Variants in RGS7 observed in about 807,000 individuals in gnomAD.
RGS7 encodes the protein regulator of G protein signaling 7.
Under a neutral mutation model 81.1 loss-of-function variants are expected in RGS7, and 27 were observed. The ratio of observed to expected loss-of-function variants is 0.33; its 90% CI spans 0.25 to 0.46. RGS7 has a LOEUF of 0.46. RGS7 is among the 20% of genes least tolerant of loss of function. The pLI, the probability that RGS7 is intolerant of heterozygous loss-of-function variation, is 1.00. For missense variants in RGS7, 396 were observed against 607.4 expected (o/e 0.65, Z 3.66); for synonymous variants, 208 against 207.7 (o/e 1.00, Z -0.01).
intron 3 of RGS7, among the ~76,000 whole-genome samples, chr1:241,052,312 G>A (rs1383033547): frequency 6.6e-6 from 1 of 152,134 alleles, no homozygotes; most frequent in Non-Finnish European, 1.5e-5. Flanking sequence ...TTGTTAAGGA[G>A]AAAAGAAACA....
chr1:240,891,300 T>C (rs1230410424), intron 6 of RGS7, among the ~76,000 whole-genome samples: 1 of 152,224 alleles, frequency 6.6e-6, no homozygotes, highest in Admixed American at 6.5e-5. Flanking sequence ...ATATCTGCAA[T>C]GCAACTGATT....
chr1:241,119,118 A>AT (rs568383603), intron 2 of RGS7, among the ~76,000 whole-genome samples: 1 of 152,186 alleles, frequency 6.6e-6, no homozygotes, highest in Non-Finnish European at 1.5e-5. Context: ...ATCAGTAAAA[A>AT]TATATATTAA....
At chr1:241,132,036 G>A (rs938061436) in intron 2 of RGS7, among the ~76,000 whole-genome samples, 1 of 152,160 alleles carries the variant, frequency 6.6e-6, no homozygotes, top group Non-Finnish European at 1.5e-5. Flanking sequence ...AAGAGTGGTA[G>A]TCTATTCATG....
At chr1:241,234,573 G>A (rs1027061310) in intron 2 of RGS7, among the ~76,000 whole-genome samples, 1 of 151,884 alleles carries the variant, frequency 6.6e-6, no homozygotes, top group South Asian at 2.1e-4. Flanking sequence ...TGAAGTGACT[G>A]TGGGAACAGA....
At chr1:241,349,265 T>A (rs2083089206) in intron 2 of RGS7, among the ~76,000 whole-genome samples, 1 of 152,238 alleles carries the variant, frequency 6.6e-6, no homozygotes. Flanking sequence ...CCAATTCTAG[T>A]GCACATGCTT....
chr1:241,216,686 A>G (rs2074578258), intron 2 of RGS7, among the ~76,000 whole-genome samples: 1 of 152,216 alleles, frequency 6.6e-6, no homozygotes, highest in Middle Eastern at 3.4e-3. Context: ...AATGTAATTG[A>G]TTTAGGAATG....
At chr1:241,202,292 C>G (rs562456791) in intron 2 of RGS7, among the ~76,000 whole-genome samples, 1 of 146,586 alleles carries the variant, frequency 6.8e-6, no homozygotes, top group Non-Finnish European at 1.5e-5. Context: ...GAAACAAACA[C>G]AATTTTAATT....
intron 18 of RGS7, among the ~76,000 whole-genome samples, chr1:240,796,917 T>C (rs1423533374): frequency 6.6e-6 from 1 of 152,202 alleles, no homozygotes; most frequent in Non-Finnish European, 1.5e-5. Context: ...TTAAAGTCTC[T>C]ACAGATAATT....
intron 3 of RGS7, among the ~76,000 whole-genome samples, chr1:241,097,059 G>A (rs1385520043): frequency 6.6e-6 from 1 of 152,022 alleles, no homozygotes; most frequent in African/African-American, 2.4e-5. Flanking sequence ...TTTAGCTAGG[G>A]ACATGTGCAA....
intron 4 of RGS7, among the ~76,000 whole-genome samples, chr1:240,958,738 G>A (rs1680859863): frequency 6.6e-6 from 1 of 152,178 alleles, no homozygotes; most frequent in Non-Finnish European, 1.5e-5. Context: ...TTATGTATAT[G>A]TCAAAAAGCT....
intron 2 of RGS7, among the ~76,000 whole-genome samples, chr1:241,221,096 G>GAAGGAAGA (rs2074971325): frequency 2.1e-5 from 2 of 97,532 alleles, no homozygotes; most frequent in Middle Eastern, 4.6e-3. Flanking sequence ...AGGAAGAAAG[G>GAAGGAAGA]AAGGAAGGAA....
chr1:241,322,644 C>T (rs952486532), intron 2 of RGS7, among the ~76,000 whole-genome samples: 23 of 152,202 alleles, frequency 1.5e-4, no homozygotes, highest in Non-Finnish European at 2.9e-4. Flanking sequence ...GGCCTTGATG[C>T]TAAGCCACCC....
intron 9 of RGS7, among the ~76,000 whole-genome samples, chr1:240,865,359 G>A (rs535450070): frequency 6.6e-6 from 1 of 152,148 alleles, no homozygotes; most frequent in Admixed American, 6.5e-5. Context: ...GGTGAGGGGC[G>A]GTATGCAATA....
rs138957656 is a variant in RGS7, at chr1:241,048,521, T to C, written c.175+50145A>G. On this transcript the variant is annotated intron_variant, in intron 3 of 18. Transcript: ENST00000440928. The stretch of plus-strand genomic sequence containing the variant: ...CATGGTGTCACTGTGACTATAGTTT[T>C]ACTAATAATACTATATGGCGGCTCA... Among the ~76,000 whole-genome samples, 4 of 152,324 alleles carry C rather than the reference T, an allele frequency of 2.6e-5. No homozygotes were observed. The East Asian group carries it at 7.7e-4, about 29-fold the overall frequency.
intron 4 of RGS7, among the ~76,000 whole-genome samples, chr1:240,964,140 G>A (rs1239765192): frequency 6.6e-6 from 1 of 152,244 alleles, no homozygotes; most frequent in Non-Finnish European, 1.5e-5. Context: ...GAGTCAAAGT[G>A]TATTTGTAAA....
At chr1:241,087,923 T>A (rs968539102) in intron 3 of RGS7, among the ~76,000 whole-genome samples, 18 of 149,308 alleles carry the variant, frequency 1.2e-4, no homozygotes, top group African/African-American at 4.4e-4. Flanking sequence ...CACTCCAGCC[T>A]GAGCCACAGA....
At chr1:241,341,887 T>TTC (rs2082574649) in intron 2 of RGS7, among the ~76,000 whole-genome samples, 1 of 147,836 alleles carries the variant, frequency 6.8e-6, no homozygotes, top group African/African-American at 2.5e-5. Context: ...TTTTTTTTTT[T>TTC]TTTTTTTGAG....
chr1:241,135,309 C>A (rs1335296649), intron 2 of RGS7, among the ~76,000 whole-genome samples: 1 of 152,048 alleles, frequency 6.6e-6, no homozygotes, highest in African/African-American at 2.4e-5. Flanking sequence ...CACCTGTAGT[C>A]CCAGCTACTC....
At chr1:241,224,689 T>C (rs2075212784) in intron 2 of RGS7, among the ~76,000 whole-genome samples, 2 of 152,192 alleles carry the variant, frequency 1.3e-5, no homozygotes, top group South Asian at 4.1e-4. Context: ...GTACATATAG[T>C]GGATAGAGTA....
Sources: allele counts gnomAD v4.1 joint callset (sites outside exome capture counted in the v4.1 genomes callset), GRCh38; gene constraint gnomAD v4.1.1; transcripts MANE v1.5; gene names NCBI Gene and HGNC (gene_info 2026-07-23, HGNC 2026-07-21).